The following CSMD1 variants were observed in gnomAD, a reference collection of about 807,000 sequenced individuals.
The protein encoded by CSMD1 is CUB and Sushi multiple domains 1, also known as CUB and sushi domain-containing protein 1.
CSMD1 carries 213 observed loss-of-function variants against 417.5 expected under a neutral mutation model. That is an observed-to-expected ratio of 0.51 (90% CI 0.46 to 0.57). The LOEUF (loss-of-function observed/expected upper bound fraction) is 0.57. Ranked by LOEUF, CSMD1 falls within the 20% of genes least tolerant of loss-of-function variation. CSMD1 has a pLI of 0.00. For missense variants in CSMD1, 6,923 were observed against 4,529.7 expected (o/e 1.53, Z -15.17); for synonymous variants, 2,862 against 1,736.8 (o/e 1.65, Z -16.11).
At chr8:3,019,265 T>C (rs1301328930) in intron 51 of CSMD1, among the ~76,000 whole-genome samples, 1 of 152,140 alleles carries the variant, frequency 6.6e-6, no homozygotes, top group African/African-American at 2.4e-5. Flanking sequence ...AGCTGAACCA[T>C]TCTTGAAAAA....
intron 1 of CSMD1, among the ~76,000 whole-genome samples, chr8:4,771,501 C>T (rs1796596032): frequency 6.6e-6 from 1 of 152,184 alleles, no homozygotes; most frequent in Non-Finnish European, 1.5e-5. Flanking sequence ...AGTTATGCTG[C>T]ATTACTGATT....
intron 4 of CSMD1, among the ~76,000 whole-genome samples, chr8:4,001,756 GT>G (rs1390751876): frequency 3.9e-5 from 6 of 152,266 alleles, no homozygotes; most frequent in African/African-American, 1.2e-4. Context: ...CTGAATCCAG[GT>G]AAGACCAGAG....
rs185314887 is a variant in CSMD1, at chr8:4,022,854, G to A, written c.610+9051C>T. On this transcript the variant is annotated intron_variant, in intron 4 of 69. Coordinates refer to ENST00000635120, the MANE Select transcript of CSMD1 (RefSeq NM_033225.6). ...TCAGAAAGAAGAAGAGAGTTCATTC[G>A]GAGCAAGAATTCACATAGTTAAGAA... is the stretch of plus-strand genomic sequence containing the variant. Among the ~76,000 whole-genome samples the A allele has an allele frequency of 1.5e-3, 229 of 152,264 alleles. 1 individual carries two copies. The highest frequency in any genetic ancestry group is 2.1e-3 in the Non-Finnish European group (141 of 68,018).
At chr8:3,220,380 G>T (rs1216576485) in intron 28 of CSMD1, among the ~76,000 whole-genome samples, 1 of 152,062 alleles carries the variant, frequency 6.6e-6, no homozygotes, top group East Asian at 1.9e-4. Context: ...TAAATTCAAA[G>T]GTGTCAAGGG....
intron 21 of CSMD1, among the ~76,000 whole-genome samples, chr8:3,351,101 T>C (rs191578552): frequency 6.6e-6 from 1 of 152,224 alleles, no homozygotes; most frequent in Non-Finnish European, 1.5e-5. Flanking sequence ...TGAATAAGTA[T>C]CTCTCATAAC....
At chr8:3,730,415 G>C (rs1472900833) in intron 6 of CSMD1, among the ~76,000 whole-genome samples, 1 of 143,714 alleles carries the variant, frequency 7.0e-6, no homozygotes, top group Non-Finnish European at 1.5e-5. Context: ...ACTGAGCTGG[G>C]ATAGAGCAAA....
intron 57 of CSMD1, among the ~76,000 whole-genome samples, chr8:2,971,766 C>G (rs914775537): frequency 2.4e-4 from 36 of 152,136 alleles, no homozygotes; most frequent in Non-Finnish European, 4.6e-4. Context: ...TTTATAGTGT[C>G]ATACTTCAGT....
At chr8:4,750,365 T>C (rs1333946433) in intron 1 of CSMD1, among the ~76,000 whole-genome samples, 1 of 152,174 alleles carries the variant, frequency 6.6e-6, no homozygotes, top group Non-Finnish European at 1.5e-5. Flanking sequence ...GAGTTGCTTT[T>C]TTAAAAAGTA....
At chr8:4,000,970 C>G (rs1276597650) in intron 4 of CSMD1, among the ~76,000 whole-genome samples, 5 of 151,874 alleles carry the variant, frequency 3.3e-5, no homozygotes, top group African/African-American at 7.3e-5. Flanking sequence ...TGAAATCCAA[C>G]TGCTGAAACT....
chr8:3,874,803 T>C (rs1457504449), intron 5 of CSMD1, among the ~76,000 whole-genome samples: 4 of 152,010 alleles, frequency 2.6e-5, no homozygotes, highest in Non-Finnish European at 4.4e-5. Context: ...AGACATTAAA[T>C]AGGACACACA....
intron 1 of CSMD1, among the ~76,000 whole-genome samples, chr8:4,846,450 C>A (rs1048624866): frequency 1.9e-4 from 29 of 152,312 alleles, no homozygotes; most frequent in African/African-American, 7.0e-4. Flanking sequence ...GTTTTGGCAG[C>A]ACGGCTCTCT....
At chr8:3,391,123 G>A (rs1013841774) in intron 17 of CSMD1, among the ~76,000 whole-genome samples, 2 of 152,004 alleles carry the variant, frequency 1.3e-5, no homozygotes, top group Non-Finnish European at 2.9e-5. Context: ...ATTACATCCC[G>A]ACCACTCTCC....
At chr8:4,717,310 C>CCATATATAT (rs1808719060) in intron 1 of CSMD1, among the ~76,000 whole-genome samples, 1 of 137,130 alleles carries the variant, frequency 7.3e-6, no homozygotes, top group African/African-American at 3.0e-5. Flanking sequence ...TCTCTCTCTC[C>CCATATATAT]ATATATATAT....
At chr8:4,384,781 G>A (rs922047686) in intron 3 of CSMD1, among the ~76,000 whole-genome samples, 2 of 152,158 alleles carry the variant, frequency 1.3e-5, no homozygotes, top group Non-Finnish European at 2.9e-5. Context: ...CGGGCTTCCC[G>A]ACTTCACTAA....
In CSMD1 at chr8:4,021,429, G is replaced by C. The variant is rs138438133; in HGVS notation, c.610+10476C>G. On this transcript the variant is annotated intron_variant, in intron 4 of 69. Coordinates refer to ENST00000635120, the MANE Select transcript of CSMD1 (RefSeq NM_033225.6). ...GATTGTGTTATATGTTGAGTGGACA[G>C]CACTGCTCTAATTACTAAGGACCTG... Among the ~76,000 whole-genome samples, 10 of 152,276 alleles carry C rather than the reference G, an allele frequency of 6.6e-5. No individual in the cohort carries two copies. In the East Asian group the frequency reaches 1.2e-3, roughly 18 times the overall value.
chr8:4,355,267 T>C (rs945623251), intron 3 of CSMD1, among the ~76,000 whole-genome samples: 1 of 150,994 alleles, frequency 6.6e-6, no homozygotes, highest in African/African-American at 2.4e-5. Context: ...AATAAATAAA[T>C]AAATATACCT....
In CSMD1 at chr8:3,177,877, T is replaced by C. The variant is rs1377603755; in HGVS notation, c.5725+3233A>G. 2.2e-5 allele frequency among the ~76,000 whole-genome samples: 3 copies of C among 136,342 alleles called. No homozygotes were observed. In the East Asian group the frequency reaches 7.2e-4, roughly 33 times the overall value. The allele number at this position is 136,342 out of a possible 152,430, so 89.4% of individuals were successfully genotyped here. ...CCGTTCACACAGTTGCACTCTAAGATATCTGGATATGTATTTTGTCTTGGT... is the reference window on the plus strand; with the variant it reads ...CCGTTCACACAGTTGCACTCTAAGACATCTGGATATGTATTTTGTCTTGGT... On this transcript the variant is annotated intron_variant, in intron 37 of 69. Transcript: ENST00000635120.
chr8:3,158,735 T>G (rs1257718096), intron 38 of CSMD1, among the ~76,000 whole-genome samples: 1 of 152,124 alleles, frequency 6.6e-6, no homozygotes, highest in East Asian at 1.9e-4. Context: ...GACCTCTGTG[T>G]GCGGCCTATT....
chr8:3,126,802 C>T (rs1330674848), intron 41 of CSMD1, among the ~76,000 whole-genome samples: 1 of 152,154 alleles, frequency 6.6e-6, no homozygotes, highest in Non-Finnish European at 1.5e-5. Flanking sequence ...GAGTTTTGGG[C>T]CTCGCTGAGA....
Sources: allele counts gnomAD v4.1 joint callset (sites outside exome capture counted in the v4.1 genomes callset), GRCh38; gene constraint gnomAD v4.1.1; transcripts MANE v1.5; gene names NCBI Gene and HGNC (gene_info 2026-07-23, HGNC 2026-07-21).